The following LRIF1 variants were observed in gnomAD, a reference collection of about 807,000 sequenced individuals.
LRIF1 encodes ligand dependent nuclear receptor interacting factor 1, also known as ligand-dependent nuclear receptor-interacting factor 1.
Under a neutral mutation model 52.7 loss-of-function variants are expected in LRIF1, and 32 were observed. The observed-to-expected ratio is 0.61, with a 90% CI of 0.46 to 0.82. The LOEUF (loss-of-function observed/expected upper bound fraction) is 0.82. Among genes scored for constraint, LRIF1 ranks in the 40% least tolerant of loss-of-function variants. The pLI, the probability that LRIF1 is intolerant of heterozygous loss-of-function variation, is 0.00. For synonymous variants in LRIF1, 323 were observed against 317.4 expected (o/e 1.02, Z -0.19); for missense variants, 887 against 892.0 (o/e 0.99, Z 0.07).
the LRIF1 span, among the ~76,000 whole-genome samples, chr1:110,903,801 G>A: frequency 1.2e-4 from 19 of 152,110 alleles, no homozygotes; most frequent in Admixed American, 1.2e-3. Flanking sequence ...TGGGCACAGG[G>A]GAATAGAGCA....
At chr1:110,889,587 T>TAAATAAATAAAG in the LRIF1 span, among the ~76,000 whole-genome samples, 1 of 151,460 alleles carries the variant, frequency 6.6e-6, no homozygotes, top group Admixed American at 6.6e-5. Context: ...AATAAATAAA[T>TAAATAAATAAAG]AAAGACTAAA....
chr1:110,942,756 T>G (rs1054159103), downstream of LRIF1, among the ~76,000 whole-genome samples: 2 of 152,054 alleles, frequency 1.3e-5, no homozygotes, highest in African/African-American at 4.8e-5. Context: ...ACAGAAGATC[T>G]TGGTTGAGGC....
the LRIF1 span, chr1:110,941,177 G>A: frequency 2.0e-5 from 3 of 152,040 alleles, no homozygotes; most frequent in African/African-American, 7.2e-5. Context: ...AAGATCTGGT[G>A]TTAAATGTGC....
chr1:110,931,391 A>G, the LRIF1 span, among the ~76,000 whole-genome samples: 2 of 152,162 alleles, frequency 1.3e-5, no homozygotes, highest in African/African-American at 2.4e-5. Flanking sequence ...TCATTGATGG[A>G]CATTTGGGTT....
At chr1:110,886,869 A>ATATATATATATATATTTTT in the LRIF1 span, among the ~76,000 whole-genome samples, 4 of 82,798 alleles carry the variant, frequency 4.8e-5, no homozygotes, top group Admixed American at 2.8e-4. Context: ...ATATATATAT[A>ATATATATATATATATTTTT]TTTTTTTTTT....
chr1:110,950,803 T>C (rs1658437431), intron 2 of LRIF1, among the ~76,000 whole-genome samples: 1 of 151,970 alleles, frequency 6.6e-6, no homozygotes, highest in South Asian at 2.1e-4. Context: ...TGATTAGCCC[T>C]GTCTCACCTT....
chr1:110,887,271 AG>A, the LRIF1 span, among the ~76,000 whole-genome samples: 2 of 151,934 alleles, frequency 1.3e-5, no homozygotes, highest in African/African-American at 2.4e-5. Context: ...TCACCGTGTT[AG>A]CCAGGATCGT....
the LRIF1 span, among the ~76,000 whole-genome samples, chr1:110,908,861 A>G: frequency 1.3e-5 from 2 of 152,210 alleles, no homozygotes; most frequent in Non-Finnish European, 2.9e-5. Context: ...AGAGACGTCA[A>G]CGCACAAGTT....
chr1:110,882,485 A>G, the LRIF1 span, among the ~76,000 whole-genome samples: 14 of 152,056 alleles, frequency 9.2e-5, no homozygotes, highest in Non-Finnish European at 2.1e-4. Flanking sequence ...TTTTATAGAA[A>G]GCAATATAAT....
chr1:110,887,195 C>G, the LRIF1 span, among the ~76,000 whole-genome samples: 1 of 151,954 alleles, frequency 6.6e-6, no homozygotes, highest in African/African-American at 2.4e-5. Flanking sequence ...TCCCGAGTAG[C>G]TGGGACTACA....
At chr1:110,963,557 C>T (rs376431773) in intron 1 of LRIF1, 64 bp downstream of exon 1, 2 of 1,406,042 alleles carry the variant, frequency 1.4e-6, no homozygotes, top group Non-Finnish European at 2.0e-6. Context: ...AAACGACGGC[C>T]GACTCCACAT....
At chr1:110,905,281 G>A in the LRIF1 span, among the ~76,000 whole-genome samples, 9 of 152,230 alleles carry the variant, frequency 5.9e-5, no homozygotes, top group Admixed American at 4.6e-4. Context: ...CCAAGTATAA[G>A]AAGGTTATAG....
At chr1:110,899,662 A>T in the LRIF1 span, 1 of 161,448 alleles carries the variant, frequency 6.2e-6, no homozygotes, top group African/African-American at 2.4e-5. Flanking sequence ...TTTCTCTTTG[A>T]CTAAGTGCCC....
At chr1:110,891,506 C>T in the LRIF1 span, 3 of 1,530,186 alleles carry the variant, frequency 2.0e-6, no homozygotes, top group Non-Finnish European at 2.7e-6. Context: ...GTTTAGCTCA[C>T]CTTTACCCAG....
At chr1:110,890,006 C>T in the LRIF1 span, among the ~76,000 whole-genome samples, 1 of 152,132 alleles carries the variant, frequency 6.6e-6, no homozygotes, top group Non-Finnish European at 1.5e-5. Flanking sequence ...GTGTTTACAA[C>T]AGAGAAATTC....
intron 2 of LRIF1, 87 bp from the exon 3 acceptor site, chr1:110,950,210 C>T (rs1658407407): frequency 7.1e-7 from 1 of 1,403,448 alleles, no homozygotes; most frequent in Non-Finnish European, 9.6e-7. Context: ...TTTCATCTTA[C>T]ATAAAAGAAC....
downstream of LRIF1, among the ~76,000 whole-genome samples, chr1:110,942,861 T>C (rs1015387566): frequency 6.6e-6 from 1 of 152,070 alleles, no homozygotes; most frequent in African/African-American, 2.4e-5. Flanking sequence ...AAGAAGGCAA[T>C]TGGATATACA....
chr1:110,931,409 A>T, the LRIF1 span, among the ~76,000 whole-genome samples: 3 of 152,164 alleles, frequency 2.0e-5, no homozygotes, highest in Admixed American at 6.5e-5. Flanking sequence ...GTTGGCTCCA[A>T]ATCTTTGCTA....
the LRIF1 span, among the ~76,000 whole-genome samples, chr1:110,893,951 A>G: frequency 6.6e-6 from 1 of 152,210 alleles, no homozygotes; most frequent in African/African-American, 2.4e-5. Context: ...ACCCAGAGGT[A>G]TCCCTGATCT....
Sources: gnomAD v4.1 joint callset for allele counts (sites outside exome capture counted in the v4.1 genomes callset) on GRCh38, gnomAD v4.1.1 for gene constraint, MANE v1.5 for transcripts, NCBI Gene and HGNC (gene_info 2026-07-23, HGNC 2026-07-21) for gene names.